The following KCTD10 variants were observed in gnomAD, a reference collection of about 807,000 sequenced individuals.
The protein encoded by KCTD10 is potassium channel tetramerization domain containing 10.
KCTD10 carries 13 observed loss-of-function variants against 34.6 expected under a neutral mutation model. The observed-to-expected ratio is 0.38, with a 90% CI of 0.24 to 0.60. The LOEUF is 0.60. Ranked by LOEUF, KCTD10 falls within the 20% of genes least tolerant of loss-of-function variation. The pLI is 0.66. For synonymous variants in KCTD10, 156 were observed against 168.8 expected, an observed-to-expected ratio of 0.92 and a Z score of 0.59; for missense variants, 256 against 420.3, an observed-to-expected ratio of 0.61 and a Z score of 3.42.
intron 2 of KCTD10, among the ~76,000 whole-genome samples, chr12:109,461,971 C>CGCTGTGCCCTGTTCCACTCCTAACAAT (rs66490142): frequency 1.3e-5 from 2 of 152,134 alleles, no homozygotes; most frequent in African/African-American, 4.8e-5. Context: ...CTCCTAACAA[C>CGCTGTGCCCTGTTCCACTCCTAACAAT]GCTGTGCCCT....
At chr12:109,461,067 A>G (rs1352359778) in intron 2 of KCTD10, among the ~76,000 whole-genome samples, 1 of 152,200 alleles carries the variant, frequency 6.6e-6, no homozygotes, top group Non-Finnish European at 1.5e-5. Context: ...TTGAGGCCCA[A>G]AAGTACACTT....
intron 1 of KCTD10, chr12:109,470,872 G>C (rs1873850455): frequency 6.0e-6 from 1 of 166,526 alleles, no homozygotes; most frequent in Non-Finnish European, 1.2e-5. Context: ...TTTCAAGTCA[G>C]GAATCACTGA....
chr12:109,457,922 A>G (rs866323509), intron 4 of KCTD10, 70 bp downstream of exon 4: 2 of 1,337,050 alleles, frequency 1.5e-6, no homozygotes, highest in Admixed American at 1.7e-5. Context: ...TTTTATTTCA[A>G]AAGTTATTCA....
chr12:109,456,916 C>T (rs1073779), intron 5 of KCTD10: 26,456 of 156,964 alleles, frequency 0.17, 2,305 homozygotes, highest in African/African-American at 0.18. Context: ...ATTCTGTTCC[C>T]AGAGAAATGA....
intron 2 of KCTD10, among the ~76,000 whole-genome samples, chr12:109,464,133 C>A (rs1263759724): frequency 6.6e-6 from 1 of 152,214 alleles, no homozygotes; most frequent in East Asian, 1.9e-4. Flanking sequence ...GGAACCTTCA[C>A]TGACCTCTCT....
rs1592840475 is a variant in KCTD10 at position 109,460,897 on chromosome 12, C to G, written c.218-92G>C. 1 of 1,304,270 alleles carries G rather than the reference C, an allele frequency of 7.7e-7. No individual in the cohort carries two copies. Among genetic ancestry groups the G allele is most frequent in the East Asian group, 2.4e-5 (1 of 41,998 alleles). The allele number at this position is 1,304,270 out of a possible 1,614,324, so 80.8% of individuals were successfully genotyped here. ...TGGGGTGTCTCTCGGCTCCCTCTAC[C>G]TCCCAGCGGAGAGCGGGACTGCCTG... On this transcript the variant is annotated intron_variant, in intron 2 of 6. Transcript: ENST00000228495. This position sits in a 1 kb window ranked among gnomAD's most constrained non-coding sequence, Gnocchi z 4.5.
chr12:109,455,258 G>A (rs1872959052), intron 6 of KCTD10, among the ~76,000 whole-genome samples: 1 of 152,168 alleles, frequency 6.6e-6, no homozygotes. Context: ...AATTCATCCT[G>A]TGAGTGCTGG....
At chr12:109,476,481 C>T (rs925396273) in intron 1 of KCTD10, among the ~76,000 whole-genome samples, 18 of 152,058 alleles carry the variant, frequency 1.2e-4, no homozygotes, top group Admixed American at 3.3e-4. Context: ...CTTGAGGATC[C>T]CAAGCAGACA....
At chr12:109,457,527 AG>A in intron 5 of KCTD10, 102 bp downstream of exon 5, 2 of 919,922 alleles carry the variant, frequency 2.2e-6, no homozygotes, top group Non-Finnish European at 3.6e-6. Context: ...AGAGGTACAG[AG>A]GGGTCATCCT....
chr12:109,457,633 GTA>G lies in KCTD10; in HGVS notation c.522_523del (p.Thr175GlnfsTer4), dbSNP rs1169012293. 1 of 1,613,966 alleles carries G rather than the reference GTA, an allele frequency of 6.2e-7. No homozygotes were observed. Among genetic ancestry groups the G allele is most frequent in the Non-Finnish European group, 8.5e-7 (1 of 1,179,936 alleles). On this transcript the variant is annotated frameshift_variant, in exon 5 of 7. Coordinates refer to ENST00000228495, the MANE Select transcript of KCTD10 (RefSeq NM_031954.5). LOFTEE classifies it high-confidence loss of function. Reference sequence around the variant, plus strand: ...TCTTTCCCGGCTGACGCCTTACCTGGTATATGAGTATTTGTTGTTACTTCTGT... The same window carrying G: ...TCTTTCCCGGCTGACGCCTTACCTGGTATGAGTATTTGTTGTTACTTCTGT...
At chr12:109,452,547 A>T (rs1199143293) in intron 6 of KCTD10, among the ~76,000 whole-genome samples, 1 of 152,222 alleles carries the variant, frequency 6.6e-6, no homozygotes, top group African/African-American at 2.4e-5. Flanking sequence ...GGTTCTGGGA[A>T]AAATGGAGCA....
chr12:109,453,913 C>T (rs548500815), intron 6 of KCTD10, among the ~76,000 whole-genome samples: 69 of 152,306 alleles, frequency 4.5e-4, no homozygotes, highest in African/African-American at 1.5e-3. Context: ...CCAGGACAGA[C>T]GGGCCACAGC....
chr12:109,466,089 G>A (rs1007724179), intron 2 of KCTD10, among the ~76,000 whole-genome samples: 7 of 152,120 alleles, frequency 4.6e-5, no homozygotes, highest in Admixed American at 2.6e-4. Context: ...GAACCTTTCC[G>A]GGAAGAGTCT....
chr12:109,473,161 A>T (rs1873971398), intron 1 of KCTD10, among the ~76,000 whole-genome samples: 1 of 152,244 alleles, frequency 6.6e-6, no homozygotes, highest in Non-Finnish European at 1.5e-5. Context: ...CCAGTGAAGG[A>T]CATGGGCAAG....
chr12:109,476,388 ACAAG>A (rs1196304814), intron 1 of KCTD10, among the ~76,000 whole-genome samples: 1 of 152,180 alleles, frequency 6.6e-6, no homozygotes, highest in Non-Finnish European at 1.5e-5. Flanking sequence ...GACGTGACAA[ACAAG>A]CAAGCAAGTA....
At chr12:109,455,289 CTGAG>C (rs1230835500) in intron 6 of KCTD10, among the ~76,000 whole-genome samples, 1 of 152,012 alleles carries the variant, frequency 6.6e-6, no homozygotes, top group African/African-American at 2.4e-5. Context: ...TAGATACAGA[CTGAG>C]TGAGAGTGCC....
At chr12:109,472,631 G>C (rs1471404674) in intron 1 of KCTD10, among the ~76,000 whole-genome samples, 3 of 151,974 alleles carry the variant, frequency 2.0e-5, no homozygotes, top group Non-Finnish European at 4.4e-5. Flanking sequence ...GTACATAATT[G>C]TGTGTGCTAG....
At chr12:109,473,509 G>A (rs763199235) in intron 1 of KCTD10, among the ~76,000 whole-genome samples, 4 of 152,038 alleles carry the variant, frequency 2.6e-5, no homozygotes, top group Admixed American at 6.6e-5. Context: ...AATGGCAGAC[G>A]GCATGACTAA....
intron 5 of KCTD10, chr12:109,457,303 G>A (rs566784899): frequency 2.9e-4 from 64 of 224,174 alleles, no homozygotes; most frequent in Non-Finnish European, 4.4e-4. Context: ...AATGGGGAGT[G>A]ACTGCTAACG....
Sources: gnomAD v4.1 joint callset for allele counts (sites outside exome capture counted in the v4.1 genomes callset) on GRCh38, gnomAD v4.1.1 for gene constraint, Gnocchi (gnomAD v3.1) non-coding constraint, MANE v1.5 for transcripts, NCBI Gene and HGNC (gene_info 2026-07-23, HGNC 2026-07-21) for gene names.